Variants in RANBP2 observed in about 807,000 individuals in gnomAD.
RANBP2 encodes E3 SUMO-protein ligase RanBP2.
Under a neutral mutation model 303.6 loss-of-function variants are expected in RANBP2, and 57 were observed. That is an observed-to-expected ratio of 0.19 (90% CI 0.15 to 0.23). The LOEUF (loss-of-function observed/expected upper bound fraction) is 0.23, where lower values mean the gene tolerates loss of function less well. Among genes scored for constraint, RANBP2 ranks in the 10% least tolerant of loss-of-function variants. The pLI is 1.00. For missense variants in RANBP2, 3,138 were observed against 3,780.8 expected (o/e 0.83, Z 4.46); for synonymous variants, 1,167 against 1,301.5 (o/e 0.90, Z 2.23).
the RANBP2 span, among the ~76,000 whole-genome samples, chr2:109,679,638 T>A: frequency 2.0e-5 from 3 of 152,146 alleles, no homozygotes; most frequent in African/African-American, 7.2e-5. Context: ...GCTTCAAGAC[T>A]CCTTAGAGTA....
chr2:109,674,545 T>A, the RANBP2 span, among the ~76,000 whole-genome samples: 1 of 151,840 alleles, frequency 6.6e-6, no homozygotes, highest in African/African-American at 2.4e-5. Flanking sequence ...ATTGCACTGC[T>A]GCACTCCAGC....
chr2:109,186,431 A>C, the RANBP2 span, among the ~76,000 whole-genome samples: 4 of 152,260 alleles, frequency 2.6e-5, no homozygotes, highest in African/African-American at 9.6e-5. Flanking sequence ...GTGAGGCTTT[A>C]GAGTGCAAAC....
chr2:108,805,428 TTATA>T, the RANBP2 span, among the ~76,000 whole-genome samples: 1 of 152,206 alleles, frequency 6.6e-6, no homozygotes, highest in Admixed American at 6.5e-5. Flanking sequence ...GTATACTTAT[TTATA>T]TAAGTATTGC....
chr2:109,436,803 A>G, the RANBP2 span: 4 of 1,500,010 alleles, frequency 2.7e-6, no homozygotes, highest in Middle Eastern at 1.8e-4. Flanking sequence ...TCTTAAAGCC[A>G]GCAGGTCAGA....
chr2:109,045,369 A>G, the RANBP2 span, among the ~76,000 whole-genome samples: 4 of 152,204 alleles, frequency 2.6e-5, no homozygotes, highest in Admixed American at 2.6e-4. Context: ...TTGTTTGTTC[A>G]GTGTTTCACT....
At chr2:109,664,325 G>T in the RANBP2 span, among the ~76,000 whole-genome samples, 9 of 152,246 alleles carry the variant, frequency 5.9e-5, no homozygotes, top group East Asian at 1.5e-3. Flanking sequence ...AAATCTCTTG[G>T]CCAGGCACAG....
the RANBP2 span, chr2:109,593,139 G>A: frequency 1.3e-6 from 2 of 1,557,460 alleles, no homozygotes; most frequent in Middle Eastern, 1.7e-4. Flanking sequence ...GAATACAAAG[G>A]CTTAAAAGGA....
At chr2:109,520,125 C>T in the RANBP2 span, among the ~76,000 whole-genome samples, 2 of 152,156 alleles carry the variant, frequency 1.3e-5, no homozygotes, top group Non-Finnish European at 2.9e-5. Context: ...TGTAGTTTTG[C>T]TAGATGTTGC....
At chr2:108,963,273 C>T in the RANBP2 span, among the ~76,000 whole-genome samples, 8 of 152,180 alleles carry the variant, frequency 5.3e-5, no homozygotes, top group Non-Finnish European at 8.8e-5. Context: ...AAAATGATCA[C>T]GCACTACACA....
chr2:108,976,005 T>C, the RANBP2 span, among the ~76,000 whole-genome samples: 1 of 152,206 alleles, frequency 6.6e-6, no homozygotes, highest in African/African-American at 2.4e-5. Context: ...CACACCAGTT[T>C]TCCTTTTAGG....
At chr2:109,596,628 A>G in the RANBP2 span, among the ~76,000 whole-genome samples, 3 of 152,046 alleles carry the variant, frequency 2.0e-5, no homozygotes, top group Non-Finnish European at 4.4e-5. Context: ...AAAAGAAAAA[A>G]AAAAAGAAAA....
At chr2:109,711,298 C>T in the RANBP2 span, among the ~76,000 whole-genome samples, 3 of 151,962 alleles carry the variant, frequency 2.0e-5, no homozygotes, top group African/African-American at 7.3e-5. Flanking sequence ...GTCACCATTT[C>T]CAAACCCCTC....
the RANBP2 span, among the ~76,000 whole-genome samples, chr2:109,428,461 C>T: frequency 1.3e-4 from 20 of 152,236 alleles, no homozygotes; most frequent in Admixed American, 4.6e-4. Context: ...TCAGCCGAGT[C>T]GGCCCAGCCG....
chr2:108,872,656 C>T, the RANBP2 span, among the ~76,000 whole-genome samples: 1 of 152,068 alleles, frequency 6.6e-6, no homozygotes, highest in South Asian at 2.1e-4. Flanking sequence ...TGGCAGAGGA[C>T]AAGAGGGCAA....
At chr2:108,891,580 G>GT in the RANBP2 span, among the ~76,000 whole-genome samples, 1 of 152,216 alleles carries the variant, frequency 6.6e-6, no homozygotes, top group South Asian at 2.1e-4. Flanking sequence ...AAGTGTGCCT[G>GT]TTTGTGCCCA....
At chr2:109,630,713 G>C in the RANBP2 span, among the ~76,000 whole-genome samples, 4 of 152,192 alleles carry the variant, frequency 2.6e-5, no homozygotes, top group Admixed American at 6.5e-5. Flanking sequence ...ACAAAACAAG[G>C]ATCAGGAAAG....
chr2:109,123,026 G>A, the RANBP2 span, among the ~76,000 whole-genome samples: 2 of 152,220 alleles, frequency 1.3e-5, no homozygotes, highest in African/African-American at 4.8e-5. Context: ...ATGAGAAACA[G>A]GCTTGAACTC....
chr2:109,400,395 CGCACATAT>C, the RANBP2 span, among the ~76,000 whole-genome samples: 18 of 152,276 alleles, frequency 1.2e-4, no homozygotes, highest in African/African-American at 3.4e-4. Flanking sequence ...TACACATGCA[CGCACATAT>C]ACACATATAC....
chr2:108,947,445 G>T, the RANBP2 span, among the ~76,000 whole-genome samples: 143 of 152,288 alleles, frequency 9.4e-4, 1 homozygote, highest in Middle Eastern at 3.4e-3. Context: ...CTGTGTGGGG[G>T]CTCCAACTGC....
Sources: allele counts gnomAD v4.1 joint callset (sites outside exome capture counted in the v4.1 genomes callset), GRCh38; gene constraint gnomAD v4.1.1; transcripts MANE v1.5; gene names NCBI Gene and HGNC (gene_info 2026-07-23, HGNC 2026-07-21).